CHAF1B: variants seen among roughly 807,000 people sequenced by gnomAD.
CHAF1B encodes CAF-1 subunit B.
CHAF1B carries 10 observed loss-of-function variants against 60.7 expected under a neutral mutation model. That is an observed-to-expected ratio of 0.16 (90% confidence interval 0.10 to 0.28). The LOEUF (loss-of-function observed/expected upper bound fraction) is 0.28, where lower values mean the gene tolerates loss of function less well. Ranked by LOEUF, CHAF1B falls within the 10% of genes least tolerant of loss-of-function variation. The pLI is 1.00. For synonymous variants in CHAF1B, 261 were observed against 266.1 expected, an observed-to-expected ratio of 0.98 and a Z score of 0.19; for missense variants, 558 against 708.4, an observed-to-expected ratio of 0.79 and a Z score of 2.41.
Position 36,413,296 on chromosome 21 carries a change from T to G in CHAF1B, c.1474T>G (p.Trp492Gly). ...GGTCACTCTGAACACACTGCAAGCCTGGAGCAAGACAACACCCCGGTAAGA... is the reference window on the plus strand; with the variant it reads ...GGTCACTCTGAACACACTGCAAGCCGGGAGCAAGACAACACCCCGGTAAGA... ...RRVTLNTLQA[W>G]SKTTPRRINL... The change falls in exon 12 of 14, where the codon TGG becomes GGG. Residue 492 changes from tryptophan (W) to glycine (G), a missense_variant. Trp to Gly is a radical substitution (Grantham distance 184). This residue lies in a region of CHAF1B where 233 missense variants were observed against 214.9 expected (regional missense o/e 1.08). Coordinates refer to ENST00000314103, the MANE Select transcript of CHAF1B (RefSeq NM_005441.3). 6.3e-7 allele frequency: 1 copy of G among 1,588,746 alleles called. No homozygotes were observed. Among genetic ancestry groups the G allele is most frequent in the Non-Finnish European group, 8.6e-7 (1 of 1,169,136 alleles).
chr21:36,397,700 A>T, intron 6 of CHAF1B, 189 bp downstream of exon 6: 1 of 340,388 alleles, frequency 2.9e-6, no homozygotes, highest in Non-Finnish European at 5.3e-6. Context: ...GCCTTACACG[A>T]AGTTTGTACT....
intron 4 of CHAF1B, among the ~76,000 whole-genome samples, chr21:36,391,907 A>ATTTTTTTTTTTT (rs55920360): frequency 8.9e-5 from 6 of 67,042 alleles, no homozygotes; most frequent in Admixed American, 2.0e-4. Context: ...TGATTTTTAA[A>ATTTTTTTTTTTT]TTTTTTTTTT....
At chr21:36,389,741 C>T (rs1601555550) in intron 3 of CHAF1B, among the ~76,000 whole-genome samples, 1 of 148,356 alleles carries the variant, frequency 6.7e-6, no homozygotes, top group African/African-American at 2.5e-5. Context: ...TGCCATGATA[C>T]CCAGAGTGCA....
chr21:36,405,202 G>A (rs1601565286), intron 8 of CHAF1B, among the ~76,000 whole-genome samples: 1 of 152,044 alleles, frequency 6.6e-6, no homozygotes, highest in East Asian at 1.9e-4. Flanking sequence ...GATTGGAAAA[G>A]AACAGATAAA....
intron 12 of CHAF1B, among the ~76,000 whole-genome samples, chr21:36,413,889 A>G (rs981189750): frequency 6.6e-6 from 1 of 152,084 alleles, no homozygotes; most frequent in Non-Finnish European, 1.5e-5. Flanking sequence ...AGCAGGTCCC[A>G]TTTTTTATTT....
At position 36,397,444 on chromosome 21, in the gene CHAF1B, A is replaced by G. The variant is rs777589750; in HGVS notation, c.511A>G (p.Lys171Glu). The change falls in exon 6 of 14, where the codon AAA (lysine) becomes GAA (glutamate). Residue 171 changes from lysine to glutamate, a missense_variant. Transcript: ENST00000314103. ...GQKISIFNEH[K>E]SYVQGVTWDP... ...AAAGATATCAATTTTTAATGAACAT[A>G]AAAGTTATGTCCAAGGAGTAACCTG... The G allele has an allele frequency of 6.4e-7, 1 of 1,564,062 alleles. No homozygotes were observed. The highest frequency in any genetic ancestry group is 8.7e-7 in the Non-Finnish European group (1 of 1,145,732).
intron 8 of CHAF1B, among the ~76,000 whole-genome samples, chr21:36,408,401 A>G (rs779644675): frequency 3.9e-5 from 6 of 152,138 alleles, no homozygotes; most frequent in Non-Finnish European, 5.9e-5. Context: ...GGTCCTAGGG[A>G]GAAAGGAGCC....
At chr21:36,406,154 G>GA (rs923957074) in intron 8 of CHAF1B, among the ~76,000 whole-genome samples, 1 of 152,036 alleles carries the variant, frequency 6.6e-6, no homozygotes, top group Non-Finnish European at 1.5e-5. Context: ...TGTTCCAGTG[G>GA]AAAAAAATCT....
At chr21:36,407,399 G>T (rs934414884) in intron 8 of CHAF1B, among the ~76,000 whole-genome samples, 5 of 152,052 alleles carry the variant, frequency 3.3e-5, no homozygotes, top group Non-Finnish European at 7.4e-5. Flanking sequence ...ATTAACAGAG[G>T]CTGGGTGAAT....
In CHAF1B at chr21:36,387,719, C is replaced by G; in HGVS notation, c.248C>G (p.Ser83Trp). 2 of 1,613,648 alleles carry G rather than the reference C, an allele frequency of 1.2e-6. No homozygotes were observed. The highest frequency in any genetic ancestry group is 1.7e-6 in the Non-Finnish European group (2 of 1,179,804). Residue 83 changes from serine (S) to tryptophan (W), a missense_variant, in exon 3 of 14, where the codon TCG becomes TGG. Ser to Trp is a radical substitution (Grantham distance 177). This residue lies in a region of CHAF1B where 325 missense variants were observed against 493.5 expected (regional missense o/e 0.66). Coordinates refer to ENST00000314103, the MANE Select transcript of CHAF1B (RefSeq NM_005441.3). ...TCTCCAACTGGGGAAATTTTAGCAT[C>G]GGGAGGAGATGGTGAGTATTGCTGT... is the stretch of plus-strand genomic sequence containing the variant. ...RFSPTGEILA[S>W]GGDDAVILLW...
At chr21:36,389,371 C>G (rs151283516) in intron 3 of CHAF1B, among the ~76,000 whole-genome samples, 1 of 151,920 alleles carries the variant, frequency 6.6e-6, no homozygotes, top group Non-Finnish European at 1.5e-5. Context: ...TTTGGGAGAC[C>G]GAGGCAGGTG....
chr21:36,395,452 A>G (rs2086130008), intron 5 of CHAF1B, among the ~76,000 whole-genome samples: 1 of 152,242 alleles, frequency 6.6e-6, no homozygotes, highest in African/African-American at 2.4e-5. Flanking sequence ...ATGGATTGTC[A>G]GAGGGTAAGA....
At position 36,389,759 on chromosome 21, in the gene CHAF1B, ATGTGTGTGTGTGTGTG is replaced by A. The variant is rs1555911822; in HGVS notation, c.260-1765_260-1750del. Among the ~76,000 whole-genome samples, 337 of 125,892 alleles carry A rather than the reference ATGTGTGTGTGTGTGTG, an allele frequency of 2.7e-3. 3 individuals are homozygous for A. The highest frequency in any genetic ancestry group is 9.4e-4 in the Non-Finnish European group (58 of 62,008). 82.6% of individuals were successfully genotyped at this position (125,892 alleles called of 152,430 possible). A position where few individuals can be genotyped will look rare whatever the true frequency, so the allele number is the denominator to read the frequency against. ...CATGATACCCAGAGTGCATGAAGGGATGTGTGTGTGTGTGTGTGTGTGTGTGTGTGTGTGTGTGTGT... is the reference window on the plus strand; with the variant it reads ...CATGATACCCAGAGTGCATGAAGGGATGTGTGTGTGTGTGTGTGTGTGTGT... On this transcript the variant is annotated intron_variant, in intron 3 of 13. Transcript: ENST00000314103.
intron 12 of CHAF1B, 69 bp from the exon 13 acceptor site, chr21:36,415,226 A>G (rs2086308406): frequency 8.5e-6 from 8 of 939,232 alleles, no homozygotes; most frequent in African/African-American, 3.3e-5. Flanking sequence ...GAAGGTTGGT[A>G]TCATACATAA....
chr21:36,385,513 G>A (rs1183567743), intron 1 of CHAF1B, 62 bp downstream of exon 1: 2 of 151,948 alleles, frequency 1.3e-5, no homozygotes, highest in Non-Finnish European at 2.9e-5. Context: ...CCGGGCCAGA[G>A]GCCCTCGCCG....
chr21:36,407,391 TA>T (rs2086246641), intron 8 of CHAF1B, among the ~76,000 whole-genome samples: 1 of 151,990 alleles, frequency 6.6e-6, no homozygotes, highest in Non-Finnish European at 1.5e-5. Flanking sequence ...AAATACTCAT[TA>T]ACAGAGGCTG....
At chr21:36,390,333 C>CAAAAA (rs1555911920) in intron 3 of CHAF1B, among the ~76,000 whole-genome samples, 4 of 81,920 alleles carry the variant, frequency 4.9e-5, no homozygotes, top group East Asian at 5.6e-4. Context: ...AACACCATCT[C>CAAAAA]AAAAAAAAAA....
At chr21:36,406,021 A>G (rs1003884494) in intron 8 of CHAF1B, among the ~76,000 whole-genome samples, 3 of 152,148 alleles carry the variant, frequency 2.0e-5, no homozygotes, top group African/African-American at 7.2e-5. Context: ...ATCCTATAAC[A>G]CTACTTTTAG....
At chr21:36,388,694 T>G (rs71330676) in intron 3 of CHAF1B, among the ~76,000 whole-genome samples, 1 of 152,078 alleles carries the variant, frequency 6.6e-6, no homozygotes, top group Admixed American at 6.6e-5. Flanking sequence ...CTCAAACTCC[T>G]GAGCTCAGGC....
Sources: allele counts gnomAD v4.1 joint callset (sites outside exome capture counted in the v4.1 genomes callset), GRCh38; gene constraint gnomAD v4.1.1; regional missense constraint gnomAD v4.1.1; transcripts MANE v1.5; gene names NCBI Gene and HGNC (gene_info 2026-07-23, HGNC 2026-07-21).